SCD: variants seen among roughly 807,000 people sequenced by gnomAD.
The protein encoded by SCD is acyl-CoA desaturase.
Under a neutral mutation model 35.7 loss-of-function variants are expected in SCD, and 4 were observed. That is an observed-to-expected ratio of 0.11 (90% CI 0.06 to 0.26). The LOEUF is 0.26. Among genes scored for constraint, SCD ranks in the 10% least tolerant of loss-of-function variants. The probability of loss-of-function intolerance (pLI) is 1.00; values close to 1 mark genes in which losing one functional copy is unlikely to be tolerated. For synonymous variants in SCD, 150 were observed against 170.2 expected (o/e 0.88, Z 0.92); for missense variants, 282 against 460.7 (o/e 0.61, Z 3.55).
chr10:100,360,569 G>C (rs1849979960), intron 5 of SCD, among the ~76,000 whole-genome samples, 165 bp from the exon 6 acceptor site: 1 of 152,206 alleles, frequency 6.6e-6, no homozygotes, highest in South Asian at 2.1e-4. Context: ...AAGTAAAGAT[G>C]CCTCTGAGGG....
Position 100,348,255 on chromosome 10 carries a change from G to C in SCD, c.219G>C (p.Trp73Cys), listed in dbSNP as rs1157055454. The change falls in exon 2 of 6, where the codon TGG (tryptophan) becomes TGC (cysteine). Residue 73 changes from tryptophan to cysteine, a missense_variant. Physicochemically the swap from Trp to Cys is radical, Grantham distance 215. This residue lies in a region of SCD where 205 missense variants were observed against 372.3 expected (regional missense o/e 0.55). Coordinates refer to ENST00000370355, the MANE Select transcript of SCD (RefSeq NM_005063.5). Reference protein sequence around the residue: ...EGPSPKVEYVWRNIILMSLLH... With the variant: ...EGPSPKVEYVCRNIILMSLLH... ...CAAGCCCCAAGGTTGAATATGTCTG[G>C]AGAAACATCATCCTTATGTCTCTGC... is the stretch of plus-strand genomic sequence containing the variant. The C allele has an allele frequency of 6.2e-7, 1 of 1,613,946 alleles. No homozygotes were observed. Among genetic ancestry groups the C allele is most frequent in the Non-Finnish European group, 8.5e-7 (1 of 1,179,978 alleles).
Position 100,363,225 on chromosome 10 carries a change from A to C in SCD, c.*2292A>C, listed in dbSNP as rs145559168. 205 of 152,452 alleles carry C rather than the reference A, an allele frequency of 1.3e-3. No homozygotes were observed. The highest frequency in any genetic ancestry group is 4.7e-3 in the African/African-American group (196 of 41,594). 9.4% of individuals were successfully genotyped at this position (152,452 alleles called of 1,614,324 possible). A position where few individuals can be genotyped will look rare whatever the true frequency, so the allele number is the denominator to read the frequency against. On this transcript the variant is annotated 3_prime_UTR_variant, in exon 6 of 6. Coordinates refer to ENST00000370355, the MANE Select transcript of SCD (RefSeq NM_005063.5). ...AGACAATAGTATAGAAGTCTGGAAA[A>C]AAACAAAAACAGAATTTGAGAACCT...
chr10:100,347,359 GGCTAGCGCCGACAACCA>G lies in SCD; in HGVS notation c.-138_-122del. 2 of 878,962 alleles carry G rather than the reference GGCTAGCGCCGACAACCA, an allele frequency of 2.3e-6. No individual in the cohort carries two copies. Among genetic ancestry groups the G allele is most frequent in the Non-Finnish European group, 3.7e-6 (2 of 537,298 alleles). The allele number at this position is 878,962 out of a possible 1,614,324, so 54.4% of individuals were successfully genotyped here. A position where few individuals can be genotyped will look rare whatever the true frequency, so the allele number is the denominator to read the frequency against. ...CGGCTCGGGGACCTCCACGCACCGCGGCTAGCGCCGACAACCAGCTAGCGTGCAAGGCGCCGCGGCTC... is the reference window on the plus strand; with the variant it reads ...CGGCTCGGGGACCTCCACGCACCGCGGCTAGCGTGCAAGGCGCCGCGGCTC... On this transcript the variant is annotated 5_prime_UTR_variant, in exon 1 of 6. Transcript: ENST00000370355.
At position 100,352,228 on chromosome 10, in the gene SCD, C is replaced by A. The variant is rs1262499424; in HGVS notation, c.311-138C>A. 4 of 734,412 alleles carry A rather than the reference C, an allele frequency of 5.4e-6. No homozygotes were observed. Among genetic ancestry groups the A allele is most frequent in the Non-Finnish European group, 8.8e-6 (4 of 455,684 alleles). The allele number at this position is 734,412 out of a possible 1,614,324, so 45.5% of individuals were successfully genotyped here. On this transcript the variant is annotated intron_variant, in intron 2 of 5. Coordinates refer to ENST00000370355, the MANE Select transcript of SCD (RefSeq NM_005063.5). The surrounding 1 kb of genome is among the most constrained non-coding windows in gnomAD (Gnocchi z 4.2). Reference sequence around the variant, plus strand: ...GTAAAATCTAAGGGATGTGGTTATCCCTAGAGTTCATGGTAAAGCCAGTTC... The same window carrying A: ...GTAAAATCTAAGGGATGTGGTTATCACTAGAGTTCATGGTAAAGCCAGTTC...
At chr10:100,359,595 C>A (rs1589700292) in intron 5 of SCD, among the ~76,000 whole-genome samples, 1 of 152,308 alleles carries the variant, frequency 6.6e-6, no homozygotes, top group Admixed American at 6.5e-5. Flanking sequence ...CTCCCCAGTT[C>A]ACACTGCAGA....
At chr10:100,354,680 C>A (rs1323765360) in intron 4 of SCD, 48 bp downstream of exon 4, 1 of 1,412,534 alleles carries the variant, frequency 7.1e-7, no homozygotes, top group South Asian at 1.2e-5. Context: ...GGCACCTGGT[C>A]ATTAGGGACC....
At chr10:100,358,747 T>TAAAA (rs11381871) in intron 5 of SCD, among the ~76,000 whole-genome samples, 1 of 112,900 alleles carries the variant, frequency 8.9e-6, no homozygotes, top group Non-Finnish European at 1.8e-5. Context: ...TGTCTCTACT[T>TAAAA]AAAAAAAAAA....
Position 100,354,605 on chromosome 10 carries a change from C to G in SCD, c.620C>G (p.Ala207Gly). The change falls in exon 4 of 6, where the codon GCT (alanine) becomes GGT (glycine). Residue 207 changes from alanine (A) to glycine (G), a missense_variant. By Grantham distance (60) the Ala-to-Gly change is moderately conservative. Around this residue, in one of 2 missense-constraint regions of SCD, gnomAD observed 205 missense variants for 372.3 expected, o/e 0.55. Transcript: ENST00000370355. ...GSTLDLSDLE[A>G]EKLVMFQRRY... ...ACGCTAGACTTGTCTGACCTAGAAG[C>G]TGAGAAACTGGTGATGTTCCAGAGG... The G allele has an allele frequency of 1.2e-6, 2 of 1,614,154 alleles. No homozygotes were observed. Among genetic ancestry groups the G allele is most frequent in the Non-Finnish European group, 1.7e-6 (2 of 1,180,008 alleles).
chr10:100,354,153 A>G (rs78144499), intron 3 of SCD, among the ~76,000 whole-genome samples: 1 of 152,260 alleles, frequency 6.6e-6, no homozygotes, highest in Non-Finnish European at 1.5e-5. Flanking sequence ...TGAGCTCTGT[A>G]TGATTTACCT....
Position 100,364,644 on chromosome 10 carries a change from C to T in SCD, c.*3711C>T, listed in dbSNP as rs1589701592. 2.0e-5 allele frequency: 3 copies of T among 152,714 alleles called. No homozygotes were observed. The highest frequency in any genetic ancestry group is 1.9e-4 in the East Asian group (1 of 5,184). The allele number at this position is 152,714 out of a possible 1,614,324, so 9.5% of individuals were successfully genotyped here. ...TGAGAATACATAAACAACGCATTGCCACGGAAACATACAGAGGATGCCTTT... is the reference window on the plus strand; with the variant it reads ...TGAGAATACATAAACAACGCATTGCTACGGAAACATACAGAGGATGCCTTT... On this transcript the variant is annotated 3_prime_UTR_variant, in exon 6 of 6. Coordinates refer to ENST00000370355, the MANE Select transcript of SCD (RefSeq NM_005063.5).
Position 100,361,089 on chromosome 10 carries a change from C to G in SCD, c.*156C>G, listed in dbSNP as rs1289103906. On this transcript the variant is annotated 3_prime_UTR_variant, in exon 6 of 6. Coordinates refer to ENST00000370355, the MANE Select transcript of SCD (RefSeq NM_005063.5). ...TTTTAAAATTCAAAAGTATTGAAAG[C>G]CAACAACTCTGCCTTTATGATGCTA... 3.1e-6 allele frequency: 2 copies of G among 653,366 alleles called. No homozygotes were observed. The highest frequency in any genetic ancestry group is 5.2e-6 in the Non-Finnish European group (2 of 386,166). The allele number at this position is 653,366 out of a possible 1,614,324, so 40.5% of individuals were successfully genotyped here.
At position 100,352,611 on chromosome 10, in the gene SCD, C is replaced by G; in HGVS notation, c.441+115C>G. 2 of 1,008,946 alleles carry G rather than the reference C, an allele frequency of 2.0e-6. No individual in the cohort carries two copies. Among genetic ancestry groups the G allele is most frequent in the Non-Finnish European group, 3.0e-6 (2 of 663,128 alleles). 62.5% of individuals were successfully genotyped at this position (1,008,946 alleles called of 1,614,324 possible). Reference sequence around the variant, plus strand: ...CACCTGACAGCCATTTCACTTTCCTCTCTCCTGTAGTCACCTCAAGTTCCA... The same window carrying G: ...CACCTGACAGCCATTTCACTTTCCTGTCTCCTGTAGTCACCTCAAGTTCCA... On this transcript the variant is annotated intron_variant, in intron 3 of 5. Transcript: ENST00000370355. This position sits in a 1 kb window ranked among gnomAD's most constrained non-coding sequence, Gnocchi z 4.2.
intron 2 of SCD, among the ~76,000 whole-genome samples, chr10:100,349,687 T>C (rs1176398839): frequency 3.3e-5 from 5 of 152,092 alleles, no homozygotes; most frequent in Non-Finnish European, 5.9e-5. Context: ...ATTCCTTGGG[T>C]TACATATGTG....
At chr10:100,350,124 A>C (rs1433056473) in intron 2 of SCD, among the ~76,000 whole-genome samples, 2 of 152,072 alleles carry the variant, frequency 1.3e-5, no homozygotes, top group African/African-American at 4.8e-5. Context: ...TTGGGCAGAT[A>C]AATGTGGCTC....
At position 100,360,838 on chromosome 10, in the gene SCD, G is replaced by T; in HGVS notation, c.985G>T (p.Ala329Ser). Residue 329 changes from alanine (A) to serine (S), a missense_variant, in exon 6 of 6, where the codon GCC becomes TCC. Coordinates refer to ENST00000370355, the MANE Select transcript of SCD (RefSeq NM_005063.5). ...FTTFFIDCMA[A>S]LGLAYDRKKV... is the part of the protein sequence containing the mutation. ...CACATTCTTCATTGATTGCATGGCCGCCCTCGGTCTGGCCTATGACCGGAA... is the reference window on the plus strand; with the variant it reads ...CACATTCTTCATTGATTGCATGGCCTCCCTCGGTCTGGCCTATGACCGGAA... 1.9e-6 allele frequency: 3 copies of T among 1,613,904 alleles called. No homozygotes were observed. Among genetic ancestry groups the T allele is most frequent in the Non-Finnish European group, 2.5e-6 (3 of 1,179,862 alleles).
chr10:100,363,695 T>G lies in SCD; in HGVS notation c.*2762T>G, dbSNP rs199542835. The G allele has an allele frequency of 6.6e-6, 1 of 152,558 alleles. No individual in the cohort carries two copies. The highest frequency in any genetic ancestry group is 1.5e-5 in the Non-Finnish European group (1 of 68,086). 9.5% of individuals were successfully genotyped at this position (152,558 alleles called of 1,614,324 possible). A position where few individuals can be genotyped will look rare whatever the true frequency, so the allele number is the denominator to read the frequency against. ...TGGCACCTCAGGCTGAGGGCCCCAA[T>G]GTATGTGTGGCTGTGGGTGTGGGTG... is the stretch of plus-strand genomic sequence containing the variant. On this transcript the variant is annotated 3_prime_UTR_variant, in exon 6 of 6. Transcript: ENST00000370355.
chr10:100,354,297 T>C, intron 3 of SCD, 130 bp from the exon 4 acceptor site: 1 of 797,790 alleles, frequency 1.3e-6, no homozygotes, highest in Non-Finnish European at 2.0e-6. Context: ...ATGACTCCTT[T>C]GGAGCCCAGA....
chr10:100,363,932 C>G lies in SCD; in HGVS notation c.*2999C>G, dbSNP rs1850015283. 3.3e-5 allele frequency: 5 copies of G among 152,496 alleles called. No homozygotes were observed. The highest frequency in any genetic ancestry group is 3.3e-4 in the Admixed American group (5 of 15,268). 9.4% of individuals were successfully genotyped at this position (152,496 alleles called of 1,614,324 possible). ...CTGCCCTCACTCCCTCTGCAGAATC[C>G]CTTTGCACCTGAGACCCTACTGAAG... On this transcript the variant is annotated 3_prime_UTR_variant, in exon 6 of 6. Coordinates refer to ENST00000370355, the MANE Select transcript of SCD (RefSeq NM_005063.5).
chr10:100,354,610 A>C lies in SCD; in HGVS notation c.625A>C (p.Lys209Gln). 6.2e-7 allele frequency: 1 copy of C among 1,614,188 alleles called. No homozygotes were observed. Among genetic ancestry groups the C allele is most frequent in the South Asian group, 1.1e-5 (1 of 91,078 alleles). The change falls in exon 4 of 6, where the codon AAA becomes CAA. Residue 209 changes from lysine (K) to glutamine (Q), a missense_variant. Physicochemically the swap from Lys to Gln is moderately conservative, Grantham distance 53. Coordinates refer to ENST00000370355, the MANE Select transcript of SCD (RefSeq NM_005063.5). ...AGACTTGTCTGACCTAGAAGCTGAGAAACTGGTGATGTTCCAGAGGAGGTG... is the reference window on the plus strand; with the variant it reads ...AGACTTGTCTGACCTAGAAGCTGAGCAACTGGTGATGTTCCAGAGGAGGTG... ...TLDLSDLEAEKLVMFQRRYYK... is the reference protein window; with the variant it reads ...TLDLSDLEAEQLVMFQRRYYK...
Sources: gnomAD v4.1 joint callset for allele counts (sites outside exome capture counted in the v4.1 genomes callset) on GRCh38, gnomAD v4.1.1 for gene constraint, gnomAD v4.1.1 regional missense constraint, Gnocchi (gnomAD v3.1) non-coding constraint, MANE v1.5 for transcripts, NCBI Gene and HGNC (gene_info 2026-07-23, HGNC 2026-07-21) for gene names.